The following CABP2 variants were observed in gnomAD, a reference collection of about 807,000 sequenced individuals.
CABP2 encodes calcium binding protein 2, also known as calcium-binding protein 2.
CABP2 carries 25 observed loss-of-function variants against 28.6 expected under a neutral mutation model. The ratio of observed to expected loss-of-function variants is 0.87; its 90% CI spans 0.64 to 1.22. The LOEUF is 1.22. CABP2 is among the 50% of genes most tolerant of loss of function. The probability of loss-of-function intolerance (pLI) is 0.00; values close to 1 mark genes in which losing one functional copy is unlikely to be tolerated. For missense variants in CABP2, 310 were observed against 312.2 expected (o/e 0.99, Z 0.05); for synonymous variants, 138 against 126.0 (o/e 1.09, Z -0.64).
In CABP2 at chr11:67,519,079, C is replaced by G; in HGVS notation, c.*60G>C. ...GAGGCGATGGGCTTCAAGGAACATG[C>G]TGGTGGGCAGAGGCTGTGGTCCTTG... is the stretch of plus-strand genomic sequence containing the variant. On this transcript the variant is annotated 3_prime_UTR_variant, in exon 7 of 7. Coordinates refer to ENST00000294288, the MANE Select transcript of CABP2 (RefSeq NM_016366.3). 1 of 1,583,468 alleles carries G rather than the reference C, an allele frequency of 6.3e-7. No individual in the cohort carries two copies. The highest frequency in any genetic ancestry group is 1.7e-5 in the Admixed American group (1 of 59,888).
rs1427733067 is a variant in CABP2 at position 67,520,203 on chromosome 11, C to T, written c.380-43G>A. The T allele has an allele frequency of 3.8e-6, 5 of 1,299,934 alleles. No homozygotes were observed. The African/African-American group carries it at 5.8e-5, about 15-fold the overall frequency. 80.5% of individuals were successfully genotyped at this position (1,299,934 alleles called of 1,614,324 possible). ...TACAGACCCAGGGCATCAGAGACCC[C>T]TGCCCCTCCCTGGCCCTCCCTCCTC... On this transcript the variant is annotated intron_variant, in intron 4 of 6. Coordinates refer to ENST00000294288, the MANE Select transcript of CABP2 (RefSeq NM_016366.3).
Position 67,519,032 on chromosome 11 carries a change from G to C in CABP2, c.*107C>G. On this transcript the variant is annotated 3_prime_UTR_variant, in exon 7 of 7. Coordinates refer to ENST00000294288, the MANE Select transcript of CABP2 (RefSeq NM_016366.3). ...GGGCACTGCACACAGGTGGGATGGG[G>C]AGGAAAGGAGGGTCCCCGCTAGAGG... is the stretch of plus-strand genomic sequence containing the variant. 1 of 1,219,096 alleles carries C rather than the reference G, an allele frequency of 8.2e-7. No individual in the cohort carries two copies. Among genetic ancestry groups the C allele is most frequent in the South Asian group, 1.2e-5 (1 of 80,668 alleles). The allele number at this position is 1,219,096 out of a possible 1,614,324, so 75.5% of individuals were successfully genotyped here.
intron 4 of CABP2, among the ~76,000 whole-genome samples, chr11:67,520,485 C>G (rs549601460): frequency 1.3e-5 from 2 of 152,092 alleles, no homozygotes; most frequent in South Asian, 2.1e-4. Context: ...TGGTGAAACC[C>G]CGTCTCCACT....
In CABP2 at chr11:67,522,729, C is replaced by T. The variant is rs780210730; in HGVS notation, c.43-13G>A. 33 of 1,467,796 alleles carry T rather than the reference C, an allele frequency of 2.2e-5. No individual in the cohort carries two copies. Among genetic ancestry groups the T allele is most frequent in the Middle Eastern group, 2.4e-4 (1 of 4,084 alleles). 90.9% of individuals were successfully genotyped at this position (1,467,796 alleles called of 1,614,324 possible). On this transcript the variant is annotated splice_polypyrimidine_tract_variant and intron_variant, in intron 1 of 6. Coordinates refer to ENST00000294288, the MANE Select transcript of CABP2 (RefSeq NM_016366.3). ...ACTGCAAGGGGTCCTGCAGCAGAGCCGGCCGTGAGCTGGGGCAGTGGCCGC... is the reference window on the plus strand; with the variant it reads ...ACTGCAAGGGGTCCTGCAGCAGAGCTGGCCGTGAGCTGGGGCAGTGGCCGC...
intron 3 of CABP2, among the ~76,000 whole-genome samples, 193 bp from the exon 4 acceptor site, chr11:67,521,352 C>G (rs1866745760): frequency 6.6e-6 from 1 of 152,158 alleles, no homozygotes; most frequent in Admixed American, 6.5e-5. Context: ...CTACTATGTG[C>G]CAAGCTCTGC....
intron 6 of CABP2, 54 bp from the exon 7 acceptor site, chr11:67,519,218 G>A (rs971096413): frequency 2.5e-5 from 40 of 1,599,078 alleles, no homozygotes; most frequent in Non-Finnish European, 3.3e-5. Flanking sequence ...CGCTAGGAGT[G>A]AGGATCATCT....
rs756932415 is a variant in CABP2 at position 67,521,187 on chromosome 11, C to T, written c.245-28G>A. 11 of 1,603,430 alleles carry T rather than the reference C, an allele frequency of 6.9e-6. No homozygotes were observed. In the Middle Eastern group the frequency reaches 1.2e-3, roughly 169 times the overall value. On this transcript the variant is annotated intron_variant, in intron 3 of 6. Transcript: ENST00000294288. ...GCCAGGCAGGGTGGGGTCAGTCCTT[C>T]CCCCACAACCCCCTGATCCTGGCCT...
Position 67,519,040 on chromosome 11 carries a change from G to A in CABP2, c.*99C>T. On this transcript the variant is annotated 3_prime_UTR_variant, in exon 7 of 7. Coordinates refer to ENST00000294288, the MANE Select transcript of CABP2 (RefSeq NM_016366.3). ...CACACAGGTGGGATGGGGAGGAAAG[G>A]AGGGTCCCCGCTAGAGGCGATGGGC... 7.5e-7 allele frequency: 1 copy of A among 1,339,956 alleles called. No individual in the cohort carries two copies. The highest frequency in any genetic ancestry group is 1.1e-6 in the Non-Finnish European group (1 of 935,326). 83.0% of individuals were successfully genotyped at this position (1,339,956 alleles called of 1,614,324 possible). A position where few individuals can be genotyped will look rare whatever the true frequency, so the allele number is the denominator to read the frequency against.
intron 6 of CABP2, 83 bp from the exon 7 acceptor site, chr11:67,519,247 G>T: frequency 1.4e-6 from 2 of 1,460,650 alleles, no homozygotes; most frequent in African/African-American, 1.4e-5. Flanking sequence ...TGGGGCGGGT[G>T]GGAGTGTGGT....
At position 67,518,968 on chromosome 11, in the gene CABP2, CT is replaced by C; in HGVS notation, c.*170del. On this transcript the variant is annotated 3_prime_UTR_variant, in exon 7 of 7. Transcript: ENST00000294288. ...GAGAGACAGAGACAAGGCCAGGCGG[CT>C]TTATTGGAGAAGTGGTGGTGGGGGT... 1.5e-6 allele frequency: 1 copy of C among 648,780 alleles called. No individual in the cohort carries two copies. The highest frequency in any genetic ancestry group is 2.7e-5 in the East Asian group (1 of 36,622). The allele number at this position is 648,780 out of a possible 1,614,324, so 40.2% of individuals were successfully genotyped here. A position where few individuals can be genotyped will look rare whatever the true frequency, so the allele number is the denominator to read the frequency against.
Position 67,520,081 on chromosome 11 carries a change from A to G in CABP2, c.459T>C (p.Gly153=), listed in dbSNP as rs747352492. Residue 153 remains glycine, a synonymous_variant, in exon 5 of 7, where the codon GGT becomes GGC. Coordinates refer to ENST00000294288, the MANE Select transcript of CABP2 (RefSeq NM_016366.3). The part of the protein sequence containing the change: ...KLLAETADMI[G]VRELRDAFRE... ...GGAAGGCGTCCCGTAGCTCCCGGACACCGATCATGTCTGCCGTCTCTGCCA... is the reference window on the plus strand; with the variant it reads ...GGAAGGCGTCCCGTAGCTCCCGGACGCCGATCATGTCTGCCGTCTCTGCCA... 8 of 1,613,408 alleles carry G rather than the reference A, an allele frequency of 5.0e-6. No individual in the cohort carries two copies. In the South Asian group the frequency reaches 8.8e-5, roughly 18 times the overall value.
At chr11:67,521,870 G>GGCCCCCCCCCCCCCAGGAGCC in intron 3 of CABP2, 82 bp downstream of exon 3, 1 of 470,124 alleles carries the variant, frequency 2.1e-6, no homozygotes, top group Non-Finnish European at 3.9e-6. Flanking sequence ...CCCACCCGAT[G>GGCCCCCCCCCCCCCAGGAGCC]CCCCCCCAAC....
Position 67,522,644 on chromosome 11 carries a change from C to G in CABP2, c.115G>C (p.Gly39Arg). The change falls in exon 2 of 7, where the codon GGG becomes CGG. Residue 39 changes from glycine to arginine, a missense_variant. Coordinates refer to ENST00000294288, the MANE Select transcript of CABP2 (RefSeq NM_016366.3). ...CCCTGGACGCCTGGCGCGGGGTCCCCCTGCTCCTTGGGGCTGGAGCTGGGG... is the reference window on the plus strand; with the variant it reads ...CCCTGGACGCCTGGCGCGGGGTCCCGCTGCTCCTTGGGGCTGGAGCTGGGG... The part of the protein sequence containing the change: ...PSPSSSPKEQ[G>R]DPAPGVQGYS... 1 of 1,545,478 alleles carries G rather than the reference C, an allele frequency of 6.5e-7. No homozygotes were observed. Among genetic ancestry groups the G allele is most frequent in the Non-Finnish European group, 8.7e-7 (1 of 1,143,992 alleles).
chr11:67,521,870 GCCCCCCCAACCCTGTGTCCCCACCCCAT>G, intron 3 of CABP2, 54 bp downstream of exon 3: 3 of 470,122 alleles, frequency 6.4e-6, no homozygotes, highest in Non-Finnish European at 7.8e-6. Context: ...CCCACCCGAT[GCCCCCCCAACCCTGTGTCCCCACCCCAT>G]GCCCCCCATG....
chr11:67,523,357 C>CG lies in CABP2; in HGVS notation c.-32dup. 3 of 1,539,406 alleles carry CG rather than the reference C, an allele frequency of 1.9e-6. No individual in the cohort carries two copies. Among genetic ancestry groups the CG allele is most frequent in the Non-Finnish European group, 1.8e-6 (2 of 1,140,904 alleles). ...CTGAACCATGCCAGGCCTGGAACCCCGGGGGTGGCCCGGGTGGGCCTCGGC... is the reference window on the plus strand; with the variant it reads ...CTGAACCATGCCAGGCCTGGAACCCCGGGGGGTGGCCCGGGTGGGCCTCGGC... On this transcript the variant is annotated 5_prime_UTR_variant, in exon 1 of 7. Transcript: ENST00000294288.
intron 3 of CABP2, among the ~76,000 whole-genome samples, chr11:67,521,379 A>G (rs1866746284): frequency 6.6e-6 from 1 of 152,198 alleles, no homozygotes; most frequent in African/African-American, 2.4e-5. Context: ...CACTGGGGAT[A>G]CAGCAGTGAA....
chr11:67,522,557 C>T lies in CABP2; in HGVS notation c.202G>A (p.Ala68Thr), dbSNP rs758423379. 1.9e-5 allele frequency: 29 copies of T among 1,555,206 alleles called. No homozygotes were observed. Among genetic ancestry groups the T allele is most frequent in the Middle Eastern group, 3.3e-4 (2 of 5,974 alleles). ...GTGGCCGTACATACGAGTTGGGTGG[C>T]GGCAATGCTGGGCCGCAGGAAGATG... ...ACIFLRPSIA[A>T]TQLDRELRPE... Residue 68 changes from alanine (A) to threonine (T), a missense_variant, in exon 2 of 7, where the codon GCC becomes ACC. Ala to Thr is a moderately conservative substitution (Grantham distance 58). Transcript: ENST00000294288.
Position 67,522,573 on chromosome 11 carries a change from C to T in CABP2, c.186G>A (p.Leu62=). ...NSLVGPACIF[L]RPSIAATQLD... ...GTTGGGTGGCGGCAATGCTGGGCCG[C>T]AGGAAGATGCAGGCAGGCCCCACCA... The change falls in exon 2 of 7, where the codon CTG becomes CTA. Residue 62 remains leucine (L), a synonymous_variant. Coordinates refer to ENST00000294288, the MANE Select transcript of CABP2 (RefSeq NM_016366.3). 1 of 1,556,086 alleles carries T rather than the reference C, an allele frequency of 6.4e-7. No homozygotes were observed. Among genetic ancestry groups the T allele is most frequent in the East Asian group, 2.4e-5 (1 of 41,330 alleles).
Position 67,522,720 on chromosome 11 carries a change from C to A in CABP2, c.43-4G>T. The A allele has an allele frequency of 6.8e-7, 1 of 1,481,134 alleles. No homozygotes were observed. The highest frequency in any genetic ancestry group is 2.3e-5 in the Admixed American group (1 of 43,390). The allele number at this position is 1,481,134 out of a possible 1,614,324, so 91.7% of individuals were successfully genotyped here. A position where few individuals can be genotyped will look rare whatever the true frequency, so the allele number is the denominator to read the frequency against. ...AGCCGAGCCACTGCAAGGGGTCCTG[C>A]AGCAGAGCCGGCCGTGAGCTGGGGC... On this transcript the variant is annotated splice_polypyrimidine_tract_variant and splice_region_variant and intron_variant, in intron 1 of 6. Transcript: ENST00000294288.
Sources: allele counts gnomAD v4.1 joint callset (sites outside exome capture counted in the v4.1 genomes callset), GRCh38; gene constraint gnomAD v4.1.1; transcripts MANE v1.5; gene names NCBI Gene and HGNC (gene_info 2026-07-23, HGNC 2026-07-21).